Variants in BUB1B observed in about 807,000 individuals in gnomAD.
BUB1B encodes the protein BUB1 mitotic checkpoint serine/threonine kinase B.
A neutral mutation model predicts 137.7 loss-of-function variants in BUB1B; 86 were observed. That is an observed-to-expected ratio of 0.62 (90% CI 0.52 to 0.75). The LOEUF (loss-of-function observed/expected upper bound fraction) is 0.75, where lower values mean the gene tolerates loss of function less well. Ranked by LOEUF, BUB1B falls within the 30% of genes least tolerant of loss-of-function variation. The pLI is 0.00. For missense variants in BUB1B, 1,130 were observed against 1,236.9 expected (o/e 0.91, Z 1.30); for synonymous variants, 420 against 417.9 (o/e 1.00, Z -0.06).
intron 8 of BUB1B, among the ~76,000 whole-genome samples, chr15:40,192,143 A>G (rs958299043): frequency 3.3e-5 from 5 of 152,232 alleles, no homozygotes; most frequent in South Asian, 2.1e-4. Context: ...CTTTCCAGTT[A>G]TGTATGTCTT....
chr15:40,199,815 A>G (rs2037542970), intron 10 of BUB1B, 88 bp downstream of exon 10: 1 of 1,036,038 alleles, frequency 9.7e-7, no homozygotes, highest in Non-Finnish European at 1.5e-6. Context: ...AGTCCTCCCA[A>G]CCCCCATTTA....
intron 5 of BUB1B, among the ~76,000 whole-genome samples, chr15:40,179,061 A>G (rs1171744566): frequency 6.6e-6 from 1 of 151,968 alleles, no homozygotes; most frequent in African/African-American, 2.4e-5. Flanking sequence ...TTTTGTCTCT[A>G]TGGATTTGCT....
chr15:40,216,565 ATATATATTTTTTTT>A (rs934589558), intron 20 of BUB1B, among the ~76,000 whole-genome samples: 49 of 78,660 alleles, frequency 6.2e-4, no homozygotes, highest in Middle Eastern at 4.6e-3. Flanking sequence ...ATATATATAT[ATATATATTTTTTTT>A]TTTTTTTAAT....
At chr15:40,202,029 A>AATTTGTTCATTT (rs2037577767) in intron 12 of BUB1B, among the ~76,000 whole-genome samples, 2 of 152,138 alleles carry the variant, frequency 1.3e-5, no homozygotes, top group Non-Finnish European at 2.9e-5. Flanking sequence ...TATTATATAT[A>AATTTGTTCATTT]TATTCATAAA....
At chr15:40,172,090 T>C (rs757883112) in intron 4 of BUB1B, among the ~76,000 whole-genome samples, 1 of 150,142 alleles carries the variant, frequency 6.7e-6, no homozygotes, top group Non-Finnish European at 1.5e-5. Context: ...AATTTCTTAC[T>C]AAAATAAAGA....
intron 8 of BUB1B, among the ~76,000 whole-genome samples, 184 bp from the exon 9 acceptor site, chr15:40,196,361 A>C (rs985309920): frequency 6.6e-6 from 1 of 152,148 alleles, no homozygotes; most frequent in Non-Finnish European, 1.5e-5. Context: ...TTTTTATACC[A>C]GTATTATGCT....
intron 18 of BUB1B, among the ~76,000 whole-genome samples, chr15:40,212,046 G>T (rs771815021): frequency 6.6e-6 from 1 of 152,154 alleles, no homozygotes; most frequent in Non-Finnish European, 1.5e-5. Context: ...CATTGGTCAG[G>T]CTGGTCTTGA....
At chr15:40,195,889 C>G (rs985953467) in intron 8 of BUB1B, among the ~76,000 whole-genome samples, 1 of 152,122 alleles carries the variant, frequency 6.6e-6, no homozygotes, top group African/African-American at 2.4e-5. Context: ...AGTCCTTTGT[C>G]GGATGCATAG....
chr15:40,199,513 G>GT, intron 9 of BUB1B, 102 bp from the exon 10 acceptor site: 1 of 829,924 alleles, frequency 1.2e-6, no homozygotes, highest in East Asian at 2.6e-5. Context: ...ATTTTCATCT[G>GT]TATTAGTAAC....
chr15:40,175,966 A>G (rs1479314927), intron 4 of BUB1B, among the ~76,000 whole-genome samples: 1 of 151,688 alleles, frequency 6.6e-6, no homozygotes, highest in African/African-American at 2.4e-5. Flanking sequence ...AATTTTCTTT[A>G]GAGACAGGGT....
At chr15:40,177,790 G>T (rs1247057677) in intron 5 of BUB1B, among the ~76,000 whole-genome samples, 1 of 150,072 alleles carries the variant, frequency 6.7e-6, no homozygotes, top group Non-Finnish European at 1.5e-5. Flanking sequence ...CATTTATTTA[G>T]GCTTTTTTTT....
intron 2 of BUB1B, among the ~76,000 whole-genome samples, chr15:40,166,940 T>C (rs2037105925): frequency 2.6e-5 from 4 of 152,222 alleles, no homozygotes; most frequent in Admixed American, 2.6e-4. Context: ...TTTTGTGGTG[T>C]ATCTGTTTAG....
rs1292897476 is a variant in BUB1B, at chr15:40,205,581, T to TA, written c.1735-597dup. On this transcript the variant is annotated intron_variant, in intron 14 of 22. Coordinates refer to ENST00000287598, the MANE Select transcript of BUB1B (RefSeq NM_001211.6). ...TAAGGATAAAGTAGTTTTAAACTAG[T>TA]AAAAAACAGAATAACCTGAAAGTTG... Among the ~76,000 whole-genome samples, 5 of 152,306 alleles carry TA rather than the reference T, an allele frequency of 3.3e-5. 1 individual carries two copies. In the Middle Eastern group the frequency reaches 0.01, roughly 311 times the overall value.
chr15:40,196,555 A>T lies in BUB1B; in HGVS notation c.1069A>T (p.Lys357Ter), dbSNP rs1264518438. Residue 357 changes from lysine to a stop codon, truncating the protein, a stop_gained, in exon 9 of 23, where the codon AAA becomes TAA. Coordinates refer to ENST00000287598, the MANE Select transcript of BUB1B (RefSeq NM_001211.6). LOFTEE classifies it high-confidence loss of function. The stretch of plus-strand genomic sequence containing the variant: ...ATTTTGCTTCTTTAGGACACCATGT[A>T]AAATTGAACCTAGTATAAACCACAT... Reference protein sequence around the residue: ...TARQPVMTPCKIEPSINHILS... With the variant: ...TARQPVMTPC 1.2e-6 allele frequency: 2 copies of T among 1,613,556 alleles called. No individual in the cohort carries two copies. Among genetic ancestry groups the T allele is most frequent in the African/African-American group, 2.7e-5 (2 of 74,920 alleles).
chr15:40,208,608 A>G (rs748110365), intron 15 of BUB1B, 29 bp from the exon 16 acceptor site: 2 of 1,584,182 alleles, frequency 1.3e-6, no homozygotes, highest in South Asian at 2.2e-5. Flanking sequence ...TTATTCCTAT[A>G]AGAATTAACT....
At chr15:40,194,726 C>T (rs750768809) in intron 8 of BUB1B, among the ~76,000 whole-genome samples, 12 of 152,128 alleles carry the variant, frequency 7.9e-5, no homozygotes, top group Non-Finnish European at 1.6e-4. Context: ...TGATTCTTCC[C>T]CCTCAGCTGA....
At chr15:40,186,385 A>ACAAG (rs1230729506) in intron 8 of BUB1B, among the ~76,000 whole-genome samples, 2 of 151,564 alleles carry the variant, frequency 1.3e-5, no homozygotes, top group Admixed American at 6.6e-5. Context: ...GGTTAAATAA[A>ACAAG]CAAGCCAGCC....
chr15:40,171,504 A>G (rs1595511579), intron 4 of BUB1B, among the ~76,000 whole-genome samples: 1 of 152,112 alleles, frequency 6.6e-6, no homozygotes, highest in African/African-American at 2.4e-5. Flanking sequence ...CTGAGATTGC[A>G]CCACTGTCCG....
At chr15:40,168,394 A>G (rs1234825676) in intron 2 of BUB1B, among the ~76,000 whole-genome samples, 1 of 152,048 alleles carries the variant, frequency 6.6e-6, no homozygotes, top group Non-Finnish European at 1.5e-5. Flanking sequence ...GAAAAAGAGA[A>G]AAGAAAAGAG....
Sources: allele counts gnomAD v4.1 joint callset (sites outside exome capture counted in the v4.1 genomes callset), GRCh38; gene constraint gnomAD v4.1.1; transcripts MANE v1.5; gene names NCBI Gene and HGNC (gene_info 2026-07-23, HGNC 2026-07-21).